WWOX: variants seen among roughly 807,000 people sequenced by gnomAD.
The protein encoded by WWOX is WW domain containing oxidoreductase.
In WWOX, 69 loss-of-function variants were observed where a neutral mutation model predicts 46.2. That is an observed-to-expected ratio of 1.49 (90% CI 1.23 to 1.82). The LOEUF is 1.82. WWOX is among the 40% of genes most tolerant of loss of function. WWOX has a pLI of 0.00. For synonymous variants in WWOX, 359 were observed against 202.6 expected (o/e 1.77, Z -6.56); for missense variants, 919 against 542.6 (o/e 1.69, Z -6.89).
chr16:78,472,809 CAAAA>C (rs756666392), intron 8 of WWOX, among the ~76,000 whole-genome samples: 1,883 of 50,806 alleles, frequency 0.037, 40 homozygotes, highest in African/African-American at 0.076. Context: ...AACTCCATCT[CAAAA>C]AAAAAAAAAA....
At chr16:79,139,198 C>A (rs1279978645) in intron 8 of WWOX, among the ~76,000 whole-genome samples, 1 of 152,184 alleles carries the variant, frequency 6.6e-6, no homozygotes, top group African/African-American at 2.4e-5. Context: ...TTTCAGCGTG[C>A]CTCCTAAGAG....
chr16:78,730,264 A>C (rs947090117), intron 8 of WWOX, among the ~76,000 whole-genome samples: 1 of 151,926 alleles, frequency 6.6e-6, no homozygotes, highest in Non-Finnish European at 1.5e-5. Context: ...TTAGTACCTC[A>C]ATTTTACTGT....
chr16:78,675,966 T>G (rs984170192), intron 8 of WWOX, among the ~76,000 whole-genome samples: 1 of 152,086 alleles, frequency 6.6e-6, no homozygotes, highest in Non-Finnish European at 1.5e-5. Context: ...CACAAACCAT[T>G]TAAATCAATC....
chr16:79,024,516 C>T (rs1179015949), intron 8 of WWOX, among the ~76,000 whole-genome samples: 1 of 152,150 alleles, frequency 6.6e-6, no homozygotes, highest in Non-Finnish European at 1.5e-5. Context: ...TCACTGCAAG[C>T]TCCGCCTCCC....
At chr16:79,181,824 T>C (rs2050917800) in intron 8 of WWOX, among the ~76,000 whole-genome samples, 2 of 152,204 alleles carry the variant, frequency 1.3e-5, no homozygotes, top group South Asian at 2.1e-4. Flanking sequence ...TTAGGCTGCA[T>C]GTTTCATCCA....
intron 8 of WWOX, among the ~76,000 whole-genome samples, chr16:78,545,492 A>G (rs2044007309): frequency 6.6e-6 from 1 of 152,204 alleles, no homozygotes; most frequent in African/African-American, 2.4e-5. Flanking sequence ...AGCTGGGACG[A>G]CAGGTGCCTG....
chr16:79,074,409 C>CTTTTTTTTTTTTTTTTTTTTT lies in WWOX; in HGVS notation c.1057-137186_1057-137166dup, dbSNP rs60074156. Among the ~76,000 whole-genome samples, 32 of 30,992 alleles carry CTTTTTTTTTTTTTTTTTTTTT rather than the reference C, an allele frequency of 1.0e-3. 3 individuals carry two copies. Among genetic ancestry groups the CTTTTTTTTTTTTTTTTTTTTT allele is most frequent in the East Asian group, 4.1e-3 (3 of 728 alleles). The allele number at this position is 30,992 out of a possible 152,430, so 20.3% of individuals were successfully genotyped here. A position where few individuals can be genotyped will look rare whatever the true frequency, so the allele number is the denominator to read the frequency against. ...CATCCTGACTGAAATGTCACTAGTC[C>CTTTTTTTTTTTTTTTTTTTTT]TTTTTTTTTTTTTTTTTTTTTTTTT... is the stretch of plus-strand genomic sequence containing the variant. On this transcript the variant is annotated intron_variant, in intron 8 of 8. Transcript: ENST00000566780.
At chr16:78,506,496 T>C (rs1196494557) in intron 8 of WWOX, 1 of 152,124 alleles carries the variant, frequency 6.6e-6, no homozygotes, top group African/African-American at 2.4e-5. Flanking sequence ...ACTCACATGT[T>C]TATGGCCCGG....
intron 8 of WWOX, among the ~76,000 whole-genome samples, chr16:78,926,507 G>T (rs1260174341): frequency 1.3e-5 from 2 of 152,212 alleles, no homozygotes; most frequent in Non-Finnish European, 2.9e-5. Flanking sequence ...TTGAGGAGGA[G>T]CAGGATGGCG....
chr16:79,049,795 A>G (rs1597324709), intron 8 of WWOX, among the ~76,000 whole-genome samples: 4 of 146,306 alleles, frequency 2.7e-5, no homozygotes, highest in Admixed American at 1.4e-4. Flanking sequence ...AGATCATCCC[A>G]CCGCACACCA....
intron 8 of WWOX, among the ~76,000 whole-genome samples, chr16:78,520,704 A>T (rs1349673639): frequency 2.0e-5 from 3 of 152,032 alleles, no homozygotes; most frequent in Non-Finnish European, 4.4e-5. Flanking sequence ...GGAGAGCTTC[A>T]TGAATCCCTG....
intron 8 of WWOX, 28 bp from the exon 9 acceptor site, chr16:79,211,576 ATTTT>A (rs202093359): frequency 1.3e-4 from 205 of 1,607,852 alleles, no homozygotes; most frequent in East Asian, 1.6e-4. Context: ...TTTTCTTAAA[ATTTT>A]TTTTTGTCTT....
At chr16:78,244,803 C>CA (rs199576546) in intron 5 of WWOX, among the ~76,000 whole-genome samples, 2,401 of 151,098 alleles carry the variant, frequency 0.016, 69 homozygotes, top group African/African-American at 0.056. Context: ...CTCATAGGAG[C>CA]AAAAAAAAGT....
At chr16:78,784,661 C>T (rs2050411225) in intron 8 of WWOX, among the ~76,000 whole-genome samples, 1 of 152,182 alleles carries the variant, frequency 6.6e-6, no homozygotes. Context: ...TTGCTAGGCT[C>T]ACAGTCAGTG....
chr16:78,378,758 G>A (rs1407965921), intron 5 of WWOX, among the ~76,000 whole-genome samples: 1 of 152,178 alleles, frequency 6.6e-6, no homozygotes, highest in Non-Finnish European at 1.5e-5. Context: ...GAATTTGCAG[G>A]ATGCCATTAG....
chr16:78,691,128 A>T, intron 8 of WWOX: 16 of 645,294 alleles, frequency 2.5e-5, no homozygotes, highest in Admixed American at 4.9e-5. Flanking sequence ...TTATTGCTTT[A>T]GAAGTTCATA....
chr16:78,664,791 A>C (rs541148734), intron 8 of WWOX, among the ~76,000 whole-genome samples: 1 of 152,324 alleles, frequency 6.6e-6, no homozygotes, highest in East Asian at 1.9e-4. Context: ...TAACAGTTAA[A>C]AATAGGAAAA....
At chr16:79,178,040 G>A (rs1309338471) in intron 8 of WWOX, among the ~76,000 whole-genome samples, 2 of 151,990 alleles carry the variant, frequency 1.3e-5, no homozygotes, top group Non-Finnish European at 2.9e-5. Context: ...AGCTCTCTGG[G>A]GCTTCTTTTA....
intron 8 of WWOX, among the ~76,000 whole-genome samples, chr16:78,871,104 T>G (rs2044118381): frequency 6.6e-6 from 1 of 152,042 alleles, no homozygotes; most frequent in South Asian, 2.1e-4. Context: ...AAATACTTGT[T>G]GAATATCAAA....
Sources: allele counts gnomAD v4.1 joint callset (sites outside exome capture counted in the v4.1 genomes callset), GRCh38; gene constraint gnomAD v4.1.1; transcripts MANE v1.5; gene names NCBI Gene and HGNC (gene_info 2026-07-23, HGNC 2026-07-21).